PI3: variants seen among roughly 807,000 people sequenced by gnomAD.
The protein encoded by PI3 is peptidase inhibitor 3.
In PI3, 4 loss-of-function variants were observed where a neutral mutation model predicts 6.0. That is an observed-to-expected ratio of 0.67 (90% CI 0.33 to 1.54). The LOEUF (loss-of-function observed/expected upper bound fraction) is 1.54, where lower values mean the gene tolerates loss of function less well. PI3 is among the 40% of genes most tolerant of loss of function. The probability of loss-of-function intolerance (pLI) is 0.06; values close to 1 mark genes in which losing one functional copy is unlikely to be tolerated. For synonymous variants in PI3, 58 were observed against 56.9 expected, an observed-to-expected ratio of 1.02 and a Z score of -0.09; for missense variants, 149 against 147.6, an observed-to-expected ratio of 1.01 and a Z score of -0.05.
intron 1 of PI3, 137 bp from the exon 2 acceptor site, chr20:45,175,724 G>C (rs929344958): frequency 2.3e-6 from 2 of 865,124 alleles, no homozygotes; most frequent in Non-Finnish European, 1.9e-6. Context: ...GCTCCCAGAG[G>C]TGTACCTTCC....
At chr20:45,175,202 G>A (rs1172655225) in intron 1 of PI3, among the ~76,000 whole-genome samples, 1 of 152,232 alleles carries the variant, frequency 6.6e-6, no homozygotes, top group Non-Finnish European at 1.5e-5. Flanking sequence ...CAGTGACTGA[G>A]ATATCAGGAC....
intron 1 of PI3, 93 bp from the exon 2 acceptor site, chr20:45,175,768 A>G: frequency 7.7e-7 from 1 of 1,300,214 alleles, no homozygotes. Flanking sequence ...TGCTGCAGTA[A>G]GCAGTGGATG....
At chr20:45,175,756 G>C in intron 1 of PI3, 105 bp from the exon 2 acceptor site, 1 of 1,169,320 alleles carries the variant, frequency 8.6e-7, no homozygotes, top group Non-Finnish European at 1.2e-6. Flanking sequence ...ATGGTTTGAG[G>C]ATGCTGCAGT....
chr20:45,175,850 T>A lies in PI3; in HGVS notation c.80-11T>A, dbSNP rs1015198077. ...TGGGTATAAATGTGGGCTCGTTTCT[T>A]CTTTTAACAGTTCCTGTTAAAGGTC... On this transcript the variant is annotated splice_polypyrimidine_tract_variant and intron_variant, in intron 1 of 2. Transcript: ENST00000243924. The A allele has an allele frequency of 1.2e-6, 2 of 1,613,582 alleles. No homozygotes were observed. The highest frequency in any genetic ancestry group is 2.7e-5 in the African/African-American group (2 of 74,846).
chr20:45,175,658 A>C, intron 1 of PI3, among the ~76,000 whole-genome samples: 1 of 152,140 alleles, frequency 6.6e-6, no homozygotes. Flanking sequence ...CAAATACTCA[A>C]GGGAACTCTG....
intron 1 of PI3, 128 bp from the exon 2 acceptor site, chr20:45,175,733 C>T: frequency 2.1e-6 from 2 of 951,870 alleles, no homozygotes; most frequent in South Asian, 3.1e-5. Flanking sequence ...GGTGTACCTT[C>T]CCTACTCAGG....
rs895350949 is a variant in PI3 at position 45,175,770 on chromosome 20, C to CA, written c.80-90dup. ...CATGGTTTGAGGATGCTGCAGTAAG[C>CA]AGTGGATGGACCCAGACCCAGAGGA... On this transcript the variant is annotated intron_variant, in intron 1 of 2. Coordinates refer to ENST00000243924, the MANE Select transcript of PI3 (RefSeq NM_002638.4). 5 of 1,319,126 alleles carry CA rather than the reference C, an allele frequency of 3.8e-6. No homozygotes were observed. In the African/African-American group the frequency reaches 7.2e-5, roughly 19 times the overall value. 81.7% of individuals were successfully genotyped at this position (1,319,126 alleles called of 1,614,324 possible). A position where few individuals can be genotyped will look rare whatever the true frequency, so the allele number is the denominator to read the frequency against.
chr20:45,175,782 C>T, intron 1 of PI3, 79 bp from the exon 2 acceptor site: 1 of 1,493,176 alleles, frequency 6.7e-7, no homozygotes. Flanking sequence ...GTGGATGGAC[C>T]CAGACCCAGA....
At position 45,175,966 on chromosome 20, in the gene PI3, A is replaced by C. The variant is rs1336781200; in HGVS notation, c.185A>C (p.Gln62Pro). 3.7e-6 allele frequency: 6 copies of C among 1,614,216 alleles called. No homozygotes were observed. Among genetic ancestry groups the C allele is most frequent in the Non-Finnish European group, 5.1e-6 (6 of 1,180,032 alleles). Residue 62 changes from glutamine (Q) to proline (P), a missense_variant, in exon 2 of 3, where the codon CAA (glutamine) becomes CCA (proline). Gln to Pro is a moderately conservative substitution (Grantham distance 76). Transcript: ENST00000243924. ...AAAGGTCAAGATAAAGTCAAAGCGC[A>C]AGAGCCAGTCAAAGGTCCAGTCTCC... ...SVKGQDKVKA[Q>P]EPVKGPVSTK...
At chr20:45,175,583 G>A (rs907708267) in intron 1 of PI3, among the ~76,000 whole-genome samples, 1 of 152,170 alleles carries the variant, frequency 6.6e-6, no homozygotes, top group African/African-American at 2.4e-5. Flanking sequence ...CCTCTTCACT[G>A]CTGGGTGTCA....
chr20:45,174,918 A>C lies in PI3; in HGVS notation c.-5A>C. The C allele has an allele frequency of 6.2e-7, 1 of 1,610,964 alleles. No homozygotes were observed. The highest frequency in any genetic ancestry group is 8.5e-7 in the Non-Finnish European group (1 of 1,178,052). On this transcript the variant is annotated 5_prime_UTR_variant, in exon 1 of 3. Coordinates refer to ENST00000243924, the MANE Select transcript of PI3 (RefSeq NM_002638.4). ...TAGCTCTTAGCCAAACACCTTCCTG[A>C]CACCATGAGGGCCAGCAGCTTCTTG... is the stretch of plus-strand genomic sequence containing the variant.
At chr20:45,176,184 G>A (rs750294920) in intron 2 of PI3, 48 bp downstream of exon 2, 1 of 1,594,848 alleles carries the variant, frequency 6.3e-7, no homozygotes, top group Non-Finnish European at 8.6e-7. Context: ...CACAAAAGAA[G>A]GCTGAGCGGT....
In PI3 at chr20:45,176,126, T is replaced by A; in HGVS notation, c.345T>A (p.Val115=). 1.2e-6 allele frequency: 2 copies of A among 1,613,962 alleles called. No individual in the cohort carries two copies. The highest frequency in any genetic ancestry group is 4.5e-5 in the East Asian group (2 of 44,862). ...CEGSCGMACF[V]PQ ...GCTCTTGCGGGATGGCCTGTTTCGT[T>A]CCCCAGTGAGGTGAGCACTAGCTGG... The change falls in exon 2 of 3, where the codon GTT becomes GTA. Residue 115 remains valine (V), a synonymous_variant. Coordinates refer to ENST00000243924, the MANE Select transcript of PI3 (RefSeq NM_002638.4).
Position 45,176,483 on chromosome 20 carries a change from G to A in PI3, c.*115G>A, listed in dbSNP as rs540635935. 8 of 268,710 alleles carry A rather than the reference G, an allele frequency of 3.0e-5. 1 individual carries two copies. In the East Asian group the frequency reaches 6.8e-4, roughly 23 times the overall value. 16.6% of individuals were successfully genotyped at this position (268,710 alleles called of 1,614,324 possible). A position where few individuals can be genotyped will look rare whatever the true frequency, so the allele number is the denominator to read the frequency against. ...ACTGTCCATTCTTCCTCCCATTCAG[G>A]ATGCCCACGGCTGGAGCTGCCTCTC... is the stretch of plus-strand genomic sequence containing the variant. On this transcript the variant is annotated 3_prime_UTR_variant, in exon 3 of 3. Transcript: ENST00000243924.
rs1982780814 is a variant in PI3, at chr20:45,175,885, T to C, written c.104T>C (p.Val35Ala). The change falls in exon 2 of 3, where the codon GTC (valine) becomes GCC (alanine). Residue 35 changes from valine to alanine, a missense_variant. Val to Ala is a moderately conservative substitution (Grantham distance 64). Transcript: ENST00000243924. ...GTTCCTGTTAAAGGTCAAGACACTG[T>C]CAAAGGCCGTGTTCCATTCAATGGA... ...TGVPVKGQDT[V>A]KGRVPFNGQD... 1 of 1,614,080 alleles carries C rather than the reference T, an allele frequency of 6.2e-7. No individual in the cohort carries two copies. Among genetic ancestry groups the C allele is most frequent in the Non-Finnish European group, 8.5e-7 (1 of 1,179,944 alleles).
At chr20:45,175,104 T>A (rs1982765069) in intron 1 of PI3, 103 bp downstream of exon 1, 2 of 717,638 alleles carry the variant, frequency 2.8e-6, no homozygotes, top group Non-Finnish European at 4.5e-6. Flanking sequence ...TAGGCAGCAC[T>A]GGAGCCCAGA....
intron 1 of PI3, 109 bp downstream of exon 1, chr20:45,175,110 C>A: frequency 3.0e-6 from 2 of 674,540 alleles, no homozygotes; most frequent in Non-Finnish European, 4.8e-6. Flanking sequence ...GCACTGGAGC[C>A]CAGATTTCAG....
Position 45,174,947 on chromosome 20 carries a change from G to T in PI3, c.25G>T (p.Val9Leu), listed in dbSNP as rs750553214. The T allele has an allele frequency of 2.5e-6, 4 of 1,613,280 alleles. No homozygotes were observed. The highest frequency in any genetic ancestry group is 3.4e-6 in the Non-Finnish European group (4 of 1,179,438). ...CATGAGGGCCAGCAGCTTCTTGATC[G>T]TGGTGGTGTTCCTCATCGCTGGGAC... MRASSFLIVVVFLIAGTLV... is the reference protein window; with the variant it reads MRASSFLILVVFLIAGTLV... Residue 9 changes from valine to leucine, a missense_variant, in exon 1 of 3, where the codon GTG (valine) becomes TTG (leucine). By Grantham distance (32) the Val-to-Leu change is conservative. Coordinates refer to ENST00000243924, the MANE Select transcript of PI3 (RefSeq NM_002638.4).
rs574507899 is a variant in PI3, at chr20:45,175,521, G to A, written c.80-340G>A. Among the ~76,000 whole-genome samples, 8 of 152,328 alleles carry A rather than the reference G, an allele frequency of 5.3e-5. No homozygotes were observed. In the East Asian group the frequency reaches 1.5e-3, roughly 29 times the overall value. ...ATGGGGCTCAAGTCTCCTAGTATGT[G>A]GCTCAGGGTTCTTTCCTACTCCAAT... On this transcript the variant is annotated intron_variant, in intron 1 of 2. Coordinates refer to ENST00000243924, the MANE Select transcript of PI3 (RefSeq NM_002638.4).
Sources: gnomAD v4.1 joint callset for allele counts (sites outside exome capture counted in the v4.1 genomes callset) on GRCh38, gnomAD v4.1.1 for gene constraint, MANE v1.5 for transcripts, NCBI Gene and HGNC (gene_info 2026-07-23, HGNC 2026-07-21) for gene names.